E2F3: variants seen among roughly 807,000 people sequenced by gnomAD.
E2F3 encodes the protein transcription factor E2F3.
A neutral mutation model predicts 44.4 loss-of-function variants in E2F3; 11 were observed. The ratio of observed to expected loss-of-function variants is 0.25; its 90% CI spans 0.16 to 0.41. The LOEUF is 0.41. Among genes scored for constraint, E2F3 ranks in the 10% least tolerant of loss-of-function variants. E2F3 has a pLI of 1.00. For synonymous variants in E2F3, 249 were observed against 253.0 expected (o/e 0.98, Z 0.15); for missense variants, 487 against 583.6 (o/e 0.83, Z 1.70).
intron 1 of E2F3, among the ~76,000 whole-genome samples, chr6:20,443,846 T>G (rs1760852420): frequency 6.6e-6 from 1 of 152,204 alleles, no homozygotes. Context: ...TCCGTCAAAT[T>G]AAAAGTTAAC....
At chr6:20,406,504 T>G (rs909772294) in intron 1 of E2F3, among the ~76,000 whole-genome samples, 5 of 152,234 alleles carry the variant, frequency 3.3e-5, no homozygotes, top group Non-Finnish European at 1.5e-5. Flanking sequence ...AGAGAACTGT[T>G]AAAAGTCTTT....
intron 1 of E2F3, among the ~76,000 whole-genome samples, chr6:20,454,650 G>A (rs1761249763): frequency 6.6e-6 from 1 of 152,130 alleles, no homozygotes; most frequent in Non-Finnish European, 1.5e-5. Context: ...ATATGCTAAG[G>A]AGTTTTGTAG....
At chr6:20,412,120 C>A (rs1368816700) in intron 1 of E2F3, among the ~76,000 whole-genome samples, 1 of 152,154 alleles carries the variant, frequency 6.6e-6, no homozygotes, top group African/African-American at 2.4e-5. Flanking sequence ...GCAAGCAAGA[C>A]TAAACAGGCG....
At chr6:20,433,720 T>C (rs988337008) in intron 1 of E2F3, among the ~76,000 whole-genome samples, 1 of 152,180 alleles carries the variant, frequency 6.6e-6, no homozygotes, top group African/African-American at 2.4e-5. Flanking sequence ...ACAAAGTGTT[T>C]CCTTTGTAAT....
chr6:20,458,435 A>G (rs1028803273), intron 1 of E2F3, among the ~76,000 whole-genome samples: 1 of 152,196 alleles, frequency 6.6e-6, no homozygotes, highest in Non-Finnish European at 1.5e-5. Flanking sequence ...TGCTCTGCCC[A>G]CTGGCTCCTC....
At chr6:20,480,872 C>CT (rs1561883904) in intron 2 of E2F3, among the ~76,000 whole-genome samples, 1 of 152,174 alleles carries the variant, frequency 6.6e-6, no homozygotes, top group Non-Finnish European at 1.5e-5. Context: ...CCACAGCACT[C>CT]TTTCATTCAT....
At chr6:20,418,509 A>G (rs917818453) in intron 1 of E2F3, among the ~76,000 whole-genome samples, 4 of 152,200 alleles carry the variant, frequency 2.6e-5, no homozygotes, top group African/African-American at 9.6e-5. Context: ...TGATTTACTG[A>G]TCTGGAGGGC....
chr6:20,402,096 A>G lies in E2F3; in HGVS notation c.-137A>G. The G allele has an allele frequency of 7.3e-7, 1 of 1,367,982 alleles. No individual in the cohort carries two copies. The highest frequency in any genetic ancestry group is 9.5e-7 in the Non-Finnish European group (1 of 1,053,710). The allele number at this position is 1,367,982 out of a possible 1,614,324, so 84.7% of individuals were successfully genotyped here. A position where few individuals can be genotyped will look rare whatever the true frequency, so the allele number is the denominator to read the frequency against. On this transcript the variant is annotated 5_prime_UTR_variant, in exon 1 of 7. Coordinates refer to ENST00000346618, the MANE Select transcript of E2F3 (RefSeq NM_001949.5). The surrounding 1 kb of genome is among the most constrained non-coding windows in gnomAD (Gnocchi z 5.6). ...TGCGGTGCGGAAAAATAAAAAGAAA[A>G]GAGAGAGAGGGGGCTCGGAAGCGCC...
At chr6:20,411,284 G>C (rs1447813699) in intron 1 of E2F3, among the ~76,000 whole-genome samples, 1 of 152,174 alleles carries the variant, frequency 6.6e-6, no homozygotes, top group Non-Finnish European at 1.5e-5. Flanking sequence ...TGTCTGAGCT[G>C]CTGGGCCCTG....
At chr6:20,479,516 T>C (rs1322467929) in intron 1 of E2F3, among the ~76,000 whole-genome samples, 2 of 152,200 alleles carry the variant, frequency 1.3e-5, no homozygotes, top group Non-Finnish European at 2.9e-5. Context: ...ACGGCGCCTG[T>C]GATATTCTTA....
rs949979267 is a variant in E2F3 at position 20,402,008 on chromosome 6, T to C, written c.-225T>C. 1.8e-4 allele frequency: 117 copies of C among 637,938 alleles called. 1 individual carries two copies. The highest frequency in any genetic ancestry group is 4.8e-5 in the Non-Finnish European group (21 of 440,250). The allele number at this position is 637,938 out of a possible 1,614,324, so 39.5% of individuals were successfully genotyped here. ...GCCTCCATCCCCGCTTGGGGCCCGA[T>C]ATCCGTGCGGCCGGGACCCTCCTCT... On this transcript the variant is annotated 5_prime_UTR_variant, in exon 1 of 7. Transcript: ENST00000346618. This position sits in a 1 kb window ranked among gnomAD's most constrained non-coding sequence, Gnocchi z 5.6.
chr6:20,430,043 A>G (rs1760347647), intron 1 of E2F3, among the ~76,000 whole-genome samples: 1 of 152,106 alleles, frequency 6.6e-6, no homozygotes, highest in African/African-American at 2.4e-5. Flanking sequence ...TGCTGTAGTT[A>G]ATCAAAGTTA....
At chr6:20,440,533 A>G (rs1447174654) in intron 1 of E2F3, among the ~76,000 whole-genome samples, 1 of 152,188 alleles carries the variant, frequency 6.6e-6, no homozygotes, top group Non-Finnish European at 1.5e-5. Context: ...TCTGTCTCTC[A>G]GGCTTTTTGG....
intron 3 of E2F3, among the ~76,000 whole-genome samples, chr6:20,482,349 T>TG (rs1283170128): frequency 8.7e-4 from 131 of 150,546 alleles, no homozygotes; most frequent in Middle Eastern, 6.8e-3. Context: ...TTTGTTTTTT[T>TG]TTTTTTTTAA....
chr6:20,413,713 C>T (rs1197738073), intron 1 of E2F3, among the ~76,000 whole-genome samples: 2 of 152,102 alleles, frequency 1.3e-5, no homozygotes, highest in African/African-American at 2.4e-5. Context: ...TCTGTCTGGT[C>T]TGGACCTGCC....
At chr6:20,464,174 G>A (rs895773996) in intron 1 of E2F3, among the ~76,000 whole-genome samples, 2 of 152,206 alleles carry the variant, frequency 1.3e-5, no homozygotes, top group Non-Finnish European at 2.9e-5. Flanking sequence ...TATGGAAGCT[G>A]CATTACATAG....
intron 1 of E2F3, among the ~76,000 whole-genome samples, chr6:20,419,493 T>G (rs1416727520): frequency 6.6e-6 from 1 of 152,348 alleles, no homozygotes; most frequent in East Asian, 1.9e-4. Flanking sequence ...AACATTAGTC[T>G]TTTTGCAGTT....
chr6:20,458,349 T>C (rs1761384313), intron 1 of E2F3, among the ~76,000 whole-genome samples: 1 of 152,076 alleles, frequency 6.6e-6, no homozygotes, highest in Admixed American at 6.6e-5. Context: ...TATCTTGTCT[T>C]CCCCATACCG....
chr6:20,488,778 G>A (rs895836746), intron 6 of E2F3, among the ~76,000 whole-genome samples: 11 of 152,152 alleles, frequency 7.2e-5, no homozygotes, highest in African/African-American at 2.7e-4. Context: ...GGCAGATCAC[G>A]AGGTCAGGAG....
Sources: gnomAD v4.1 joint callset for allele counts (sites outside exome capture counted in the v4.1 genomes callset) on GRCh38, gnomAD v4.1.1 for gene constraint, Gnocchi (gnomAD v3.1) non-coding constraint, MANE v1.5 for transcripts, NCBI Gene and HGNC (gene_info 2026-07-23, HGNC 2026-07-21) for gene names.